The following TP63 variants were observed in gnomAD, a reference collection of about 807,000 sequenced individuals.
The protein encoded by TP63 is tumor protein p63.
In TP63, 17 loss-of-function variants were observed where a neutral mutation model predicts 82.8. That is an observed-to-expected ratio of 0.21 (90% CI 0.14 to 0.31). The LOEUF (loss-of-function observed/expected upper bound fraction) is 0.31. Ranked by LOEUF, TP63 falls within the 10% of genes least tolerant of loss-of-function variation. TP63 has a pLI of 1.00. For missense variants in TP63, 648 were observed against 895.3 expected (o/e 0.72, Z 3.52); for synonymous variants, 330 against 321.7 (o/e 1.03, Z -0.28).
intron 1 of TP63, among the ~76,000 whole-genome samples, chr3:189,660,886 G>A (rs1290147037): frequency 6.6e-6 from 1 of 151,844 alleles, no homozygotes; most frequent in African/African-American, 2.4e-5. Flanking sequence ...GTATAGAAAT[G>A]CTACTGATAG....
At chr3:189,877,929 T>C (rs1450247303) in intron 10 of TP63, among the ~76,000 whole-genome samples, 1 of 152,178 alleles carries the variant, frequency 6.6e-6, no homozygotes, top group Non-Finnish European at 1.5e-5. Flanking sequence ...TTGCCCAGGC[T>C]GGACTTGGAC....
intron 10 of TP63, among the ~76,000 whole-genome samples, chr3:189,884,812 T>A (rs1577192926): frequency 6.6e-6 from 1 of 152,222 alleles, no homozygotes; most frequent in Admixed American, 6.5e-5. Context: ...CACATTAAAA[T>A]ACAGCATATT....
intron 10 of TP63, chr3:189,880,896 G>A: frequency 4.1e-6 from 4 of 985,360 alleles, no homozygotes; most frequent in Non-Finnish European, 4.8e-6. Flanking sequence ...TTATGCTAAA[G>A]TTTTTCTTGT....
At chr3:189,738,223 TTG>T (rs1720736905) in intron 2 of TP63, among the ~76,000 whole-genome samples, 1 of 152,228 alleles carries the variant, frequency 6.6e-6, no homozygotes, top group Non-Finnish European at 1.5e-5. Flanking sequence ...CTAAATTTTG[TTG>T]TTTATTTATA....
At chr3:189,887,845 T>G (rs1156625982) in intron 11 of TP63, among the ~76,000 whole-genome samples, 1 of 138,680 alleles carries the variant, frequency 7.2e-6, no homozygotes, top group African/African-American at 2.8e-5. Flanking sequence ...TGGCACACAT[T>G]CATTGTTTTG....
chr3:189,747,863 G>A (rs1721494902), intron 3 of TP63, among the ~76,000 whole-genome samples: 1 of 1,964 alleles, frequency 5.1e-4, no homozygotes, highest in East Asian at 3.1e-3. Flanking sequence ...AAATAGAGAA[G>A]ACTCAAAATC....
intron 1 of TP63, among the ~76,000 whole-genome samples, chr3:189,697,268 G>T (rs1345221324): frequency 1.2e-4 from 14 of 112,548 alleles, no homozygotes; most frequent in East Asian, 2.6e-4. Context: ...ACACTCGATT[G>T]TTTCAGCACC....
chr3:189,603,739 C>T, the TP63 span, among the ~76,000 whole-genome samples: 15 of 147,358 alleles, frequency 1.0e-4, no homozygotes, highest in Admixed American at 6.8e-4. Flanking sequence ...AGCATTTCAC[C>T]TATATAGTTT....
chr3:189,598,305 G>A, the TP63 span, among the ~76,000 whole-genome samples: 2 of 150,864 alleles, frequency 1.3e-5, no homozygotes, highest in Non-Finnish European at 3.0e-5. Context: ...AGCAGGAGAG[G>A]GGAGGGAACG....
intron 4 of TP63, among the ~76,000 whole-genome samples, chr3:189,846,611 GGTGTGT>G (rs71861936): frequency 0.16 from 22,861 of 141,124 alleles, 1,915 homozygotes; most frequent in Middle Eastern, 0.21. Context: ...TGGCCAGTAG[GGTGTGT>G]GTGTGTGTGT....
chr3:189,631,571 T>A lies in TP63; in HGVS notation c.56T>A (p.Ile19Asn), dbSNP rs1729458422. 1 of 1,612,756 alleles carries A rather than the reference T, an allele frequency of 6.2e-7. No homozygotes were observed. Among genetic ancestry groups the A allele is most frequent in the Non-Finnish European group, 8.5e-7 (1 of 1,179,128 alleles). Residue 19 changes from isoleucine (I) to asparagine (N), a missense_variant, in exon 1 of 14, where the codon ATC becomes AAC. This residue lies in a region of TP63 where 182 missense variants were observed against 213.6 expected (regional missense o/e 0.85). Coordinates refer to ENST00000264731, the MANE Select transcript of TP63 (RefSeq NM_003722.5). Reference sequence around the variant, plus strand: ...CTACAGTACTGCCCTGACCCTTACATCCAGCGGTGAGTTTGAATGTGACAT... The same window carrying A: ...CTACAGTACTGCCCTGACCCTTACAACCAGCGGTGAGTTTGAATGTGACAT... ...ATLQYCPDPY[I>N]QRFVETPAHF...
intron 3 of TP63, among the ~76,000 whole-genome samples, chr3:189,791,850 A>G (rs1339469583): frequency 6.6e-6 from 1 of 152,106 alleles, no homozygotes; most frequent in Admixed American, 6.6e-5. Flanking sequence ...CATGGCTCTG[A>G]GAACCATGAA....
At chr3:189,751,554 A>G (rs1560157412) in intron 3 of TP63, among the ~76,000 whole-genome samples, 1 of 152,050 alleles carries the variant, frequency 6.6e-6, no homozygotes, top group Non-Finnish European at 1.5e-5. Context: ...TTTGATTTGC[A>G]TTTCTCTGAT....
intron 1 of TP63, among the ~76,000 whole-genome samples, chr3:189,685,368 G>T (rs1347311747): frequency 6.6e-6 from 1 of 152,174 alleles, no homozygotes; most frequent in Non-Finnish European, 1.5e-5. Context: ...GCCTCACTTA[G>T]TTTTGGATAA....
chr3:189,891,131 A>G (rs944857885), intron 13 of TP63, among the ~76,000 whole-genome samples: 1 of 152,192 alleles, frequency 6.6e-6, no homozygotes, highest in Non-Finnish European at 1.5e-5. Context: ...CACTTACACT[A>G]TTCTCAAGGT....
the TP63 span, among the ~76,000 whole-genome samples, chr3:189,602,080 C>A: frequency 6.6e-6 from 1 of 152,260 alleles, no homozygotes; most frequent in South Asian, 2.1e-4. Context: ...AACTGTGTGG[C>A]CTTAAATAAT....
intron 4 of TP63, among the ~76,000 whole-genome samples, chr3:189,859,098 A>T (rs1716680610): frequency 6.6e-6 from 1 of 152,192 alleles, no homozygotes; most frequent in Non-Finnish European, 1.5e-5. Context: ...GCATATTTCA[A>T]AATAGCTAGA....
intron 1 of TP63, among the ~76,000 whole-genome samples, chr3:189,653,763 A>G (rs913561318): frequency 6.6e-6 from 1 of 152,222 alleles, no homozygotes; most frequent in Non-Finnish European, 1.5e-5. Context: ...AGATTCAGTC[A>G]GTATTTAATT....
intron 4 of TP63, among the ~76,000 whole-genome samples, chr3:189,853,220 T>G (rs1715873238): frequency 6.6e-6 from 1 of 152,166 alleles, no homozygotes; most frequent in African/African-American, 2.4e-5. Flanking sequence ...AGTCTGTCCT[T>G]CACATAACAG....
Sources: gnomAD v4.1 joint callset for allele counts (sites outside exome capture counted in the v4.1 genomes callset) on GRCh38, gnomAD v4.1.1 for gene constraint, gnomAD v4.1.1 regional missense constraint, MANE v1.5 for transcripts, NCBI Gene and HGNC (gene_info 2026-07-23, HGNC 2026-07-21) for gene names.